Variants in SEMA3A observed in about 807,000 individuals in gnomAD.
SEMA3A encodes semaphorin 3A.
SEMA3A carries 29 observed loss-of-function variants against 97.9 expected under a neutral mutation model. The ratio of observed to expected loss-of-function variants is 0.30; its 90% confidence interval spans 0.22 to 0.40. SEMA3A has a LOEUF of 0.40. Among genes scored for constraint, SEMA3A ranks in the 10% least tolerant of loss-of-function variants. The pLI is 1.00. For synonymous variants in SEMA3A, 321 were observed against 323.7 expected (o/e 0.99, Z 0.09); for missense variants, 763 against 951.3 (o/e 0.80, Z 2.60).
At chr7:84,413,563 G>A (rs1329186058) in intron 1 of SEMA3A, among the ~76,000 whole-genome samples, 1 of 152,156 alleles carries the variant, frequency 6.6e-6, no homozygotes, top group African/African-American at 2.4e-5. Context: ...GGGAAATCGA[G>A]GCTGTGGTGA....
chr7:84,429,594 A>G (rs1804924869), intron 1 of SEMA3A, among the ~76,000 whole-genome samples: 1 of 136,672 alleles, frequency 7.3e-6, no homozygotes. Flanking sequence ...TATCTAGTGT[A>G]TCTGATTACA....
chr7:84,209,230 T>C (rs78681222), intron 3 of SEMA3A, among the ~76,000 whole-genome samples: 8,631 of 152,270 alleles, frequency 0.057, 265 homozygotes, highest in Non-Finnish European at 0.07. Flanking sequence ...TTTAGCCTTT[T>C]ATATTACTCA....
chr7:84,314,695 G>T (rs754331882), intron 2 of SEMA3A, among the ~76,000 whole-genome samples: 1 of 152,182 alleles, frequency 6.6e-6, no homozygotes, highest in African/African-American at 2.4e-5. Context: ...AAAGTGCACA[G>T]ATGCAAAAGG....
intron 3 of SEMA3A, among the ~76,000 whole-genome samples, chr7:84,124,087 G>C (rs539752601): frequency 1.3e-5 from 2 of 152,118 alleles, no homozygotes; most frequent in Non-Finnish European, 2.9e-5. Flanking sequence ...CCAGTGGCAT[G>C]TCCTGGTTTC....
At chr7:84,403,376 A>T (rs1803963317) in intron 1 of SEMA3A, among the ~76,000 whole-genome samples, 1 of 152,222 alleles carries the variant, frequency 6.6e-6, no homozygotes, top group African/African-American at 2.4e-5. Context: ...CCCAGGCTTG[A>T]GTAGGTAAAC....
At chr7:84,224,836 G>T (rs995114238) in intron 3 of SEMA3A, among the ~76,000 whole-genome samples, 1 of 152,002 alleles carries the variant, frequency 6.6e-6, no homozygotes, top group Admixed American at 6.6e-5. Context: ...CTACATAGAA[G>T]TTAACTGATT....
At chr7:84,297,321 A>T (rs898141785) in intron 3 of SEMA3A, among the ~76,000 whole-genome samples, 1 of 152,128 alleles carries the variant, frequency 6.6e-6, no homozygotes, top group African/African-American at 2.4e-5. Context: ...AAATACAGAC[A>T]GTTCAGTAAT....
intron 1 of SEMA3A, among the ~76,000 whole-genome samples, chr7:84,192,603 A>G (rs1313321915): frequency 2.0e-5 from 3 of 152,006 alleles, no homozygotes; most frequent in Non-Finnish European, 2.9e-5. Flanking sequence ...TATGTGTACA[A>G]CAAAGGATAT....
At chr7:84,162,592 T>TA (rs201883744) in intron 1 of SEMA3A, among the ~76,000 whole-genome samples, 2 of 150,852 alleles carry the variant, frequency 1.3e-5, no homozygotes, top group Admixed American at 6.6e-5. Flanking sequence ...AATTTTTTTT[T>TA]AAAAAAAAAT....
At chr7:84,342,365 G>A (rs1802191814) in intron 2 of SEMA3A, among the ~76,000 whole-genome samples, 1 of 151,946 alleles carries the variant, frequency 6.6e-6, no homozygotes, top group African/African-American at 2.4e-5. Context: ...ACTATTAAAG[G>A]TTACAATCAT....
At chr7:84,142,839 A>G (rs903554564) in intron 1 of SEMA3A, among the ~76,000 whole-genome samples, 2 of 152,180 alleles carry the variant, frequency 1.3e-5, no homozygotes, top group African/African-American at 4.8e-5. Flanking sequence ...TACATATTGT[A>G]CAAACATCTC....
chr7:84,003,167 G>A (rs781168499), intron 11 of SEMA3A, among the ~76,000 whole-genome samples: 35 of 152,030 alleles, frequency 2.3e-4, no homozygotes, highest in Non-Finnish European at 4.4e-4. Context: ...TGTTATATGA[G>A]ATCAAGAAAG....
At chr7:84,339,456 A>C (rs1802111542) in intron 2 of SEMA3A, among the ~76,000 whole-genome samples, 1 of 152,274 alleles carries the variant, frequency 6.6e-6, no homozygotes, top group African/African-American at 2.4e-5. Context: ...CTTGAAGCTT[A>C]AGGGTTTGCA....
intron 1 of SEMA3A, among the ~76,000 whole-genome samples, chr7:84,379,222 C>A (rs1414549230): frequency 6.6e-6 from 1 of 152,084 alleles, no homozygotes; most frequent in African/African-American, 2.4e-5. Flanking sequence ...CCACCGTGCC[C>A]AGCCGTGACA....
intron 3 of SEMA3A, among the ~76,000 whole-genome samples, chr7:84,227,886 A>T (rs944677038): frequency 3.3e-5 from 5 of 150,736 alleles, no homozygotes; most frequent in African/African-American, 1.2e-4. Flanking sequence ...AAATGATGTA[A>T]GTCTCTGTGT....
At chr7:84,200,350 G>A (rs1798323684) in intron 3 of SEMA3A, among the ~76,000 whole-genome samples, 1 of 152,082 alleles carries the variant, frequency 6.6e-6, no homozygotes, top group African/African-American at 2.4e-5. Context: ...GATGGCGGTA[G>A]AGTGGAAGAA....
intron 4 of SEMA3A, among the ~76,000 whole-genome samples, chr7:84,104,407 T>C (rs975418114): frequency 4.6e-5 from 7 of 152,132 alleles, no homozygotes; most frequent in Non-Finnish European, 1.5e-5. Context: ...TCTATTTCTA[T>C]CTGTCACTGT....
intron 1 of SEMA3A, among the ~76,000 whole-genome samples, chr7:84,429,529 T>TATATAC: frequency 8.6e-6 from 1 of 116,652 alleles, no homozygotes; most frequent in African/African-American, 3.4e-5. Flanking sequence ...TATATATATA[T>TATATAC]ATATATATAT....
intron 10 of SEMA3A, among the ~76,000 whole-genome samples, chr7:84,006,452 C>G (rs17220062): frequency 0.083 from 12,514 of 151,652 alleles, 610 homozygotes; most frequent in Admixed American, 0.14. Flanking sequence ...GAATGCCCAT[C>G]ATGACCAAGC....
Sources: gnomAD v4.1 joint callset for allele counts (sites outside exome capture counted in the v4.1 genomes callset) on GRCh38, gnomAD v4.1.1 for gene constraint, MANE v1.5 for transcripts, NCBI Gene and HGNC (gene_info 2026-07-23, HGNC 2026-07-21) for gene names.